Variants in ARHGAP15 observed in about 807,000 individuals in gnomAD.
The protein encoded by ARHGAP15 is Rho GTPase activating protein 15, also known as rho GTPase-activating protein 15.
ARHGAP15 carries 51 observed loss-of-function variants against 63.7 expected under a neutral mutation model. The ratio of observed to expected loss-of-function variants is 0.80; its 90% confidence interval spans 0.64 to 1.01. ARHGAP15 has a LOEUF of 1.01. ARHGAP15 is among the 50% of genes least tolerant of loss of function. ARHGAP15 has a pLI of 0.00. For synonymous variants in ARHGAP15, 191 were observed against 193.8 expected, an observed-to-expected ratio of 0.99 and a Z score of 0.12; for missense variants, 560 against 564.6, an observed-to-expected ratio of 0.99 and a Z score of 0.08.
intron 6 of ARHGAP15, among the ~76,000 whole-genome samples, chr2:143,287,478 G>A (rs189535477): frequency 6.6e-6 from 1 of 152,160 alleles, no homozygotes; most frequent in African/African-American, 2.4e-5. Flanking sequence ...GAGGAAGATA[G>A]AATGGGCTCT....
chr2:143,287,798 TG>T (rs1408060484), intron 6 of ARHGAP15, among the ~76,000 whole-genome samples: 1 of 151,952 alleles, frequency 6.6e-6, no homozygotes, highest in Non-Finnish European at 1.5e-5. Flanking sequence ...AGCAAGACTC[TG>T]TCCCAAAAAA....
intron 8 of ARHGAP15, among the ~76,000 whole-genome samples, chr2:143,478,288 A>T (rs1691916765): frequency 6.6e-6 from 1 of 152,010 alleles, no homozygotes; most frequent in Non-Finnish European, 1.5e-5. Context: ...CCCATGATTC[A>T]CTCATCTTAC....
intron 13 of ARHGAP15, among the ~76,000 whole-genome samples, chr2:143,719,146 AC>A (rs1300468565): frequency 6.6e-6 from 1 of 152,122 alleles, no homozygotes; most frequent in Non-Finnish European, 1.5e-5. Context: ...CACTGAAAAC[AC>A]CTCTTTTCCT....
At chr2:143,669,117 T>C (rs1215089985) in intron 12 of ARHGAP15, among the ~76,000 whole-genome samples, 2 of 152,214 alleles carry the variant, frequency 1.3e-5, no homozygotes, top group Non-Finnish European at 2.9e-5. Context: ...GGTGCTAATC[T>C]AAGCACACTA....
At position 143,197,951 on chromosome 2, in the gene ARHGAP15, G is replaced by A. The variant is rs1246217876; in HGVS notation, c.166-4183G>A. On this transcript the variant is annotated intron_variant, in intron 2 of 13. Transcript: ENST00000295095. The stretch of plus-strand genomic sequence containing the variant: ...GGCTCTCAACTTTGTAGTTCCCCAA[G>A]AATGTAGTGACTGCCTACACACACA... Among the ~76,000 whole-genome samples, 3 of 148,646 alleles carry A rather than the reference G, an allele frequency of 2.0e-5. No individual in the cohort carries two copies. In the Admixed American group the frequency reaches 2.0e-4, roughly 10 times the overall value.
At chr2:143,546,655 C>T (rs898523941) in intron 10 of ARHGAP15, among the ~76,000 whole-genome samples, 3 of 151,892 alleles carry the variant, frequency 2.0e-5, no homozygotes, top group African/African-American at 7.3e-5. Flanking sequence ...AAATTAGATT[C>T]ATTGTTCTTG....
intron 6 of ARHGAP15, among the ~76,000 whole-genome samples, chr2:143,326,747 G>T (rs1383016483): frequency 1.3e-5 from 2 of 152,048 alleles, no homozygotes; most frequent in East Asian, 1.9e-4. Flanking sequence ...AATAAACTAG[G>T]TATTGATGGG....
intron 11 of ARHGAP15, chr2:143,597,987 T>G (rs1448705318): frequency 1.3e-5 from 2 of 152,176 alleles, no homozygotes; most frequent in Non-Finnish European, 2.9e-5. Context: ...CTGCAAACCC[T>G]TTTTGTAGTG....
chr2:143,394,525 GTGATAA>G lies in ARHGAP15; in HGVS notation c.475-41069_475-41064del, dbSNP rs556220119. 2.0e-3 allele frequency among the ~76,000 whole-genome samples: 304 copies of G among 152,230 alleles called. 3 individuals are homozygous for G. Among genetic ancestry groups the G allele is most frequent in the Admixed American group, 0.017 (253 of 15,284 alleles). ...ACCAACCCAGAGGGATCTTTTAATGGTGATAATGATAAAGAGAAATTCTGTCAACCT... is the reference window on the plus strand; with the variant it reads ...ACCAACCCAGAGGGATCTTTTAATGGTGATAAAGAGAAATTCTGTCAACCT... On this transcript the variant is annotated intron_variant, in intron 6 of 13. Transcript: ENST00000295095.
intron 2 of ARHGAP15, among the ~76,000 whole-genome samples, chr2:143,169,920 C>T (rs1455860035): frequency 6.6e-6 from 1 of 151,938 alleles, no homozygotes; most frequent in East Asian, 1.9e-4. Context: ...AAGTCAAAGC[C>T]AGATGTAAAT....
chr2:143,486,249 A>G (rs547439471), intron 8 of ARHGAP15, among the ~76,000 whole-genome samples: 1 of 152,242 alleles, frequency 6.6e-6, no homozygotes, highest in South Asian at 2.1e-4. Flanking sequence ...GTCTACAGAC[A>G]CAACAAATTA....
rs1234444016 is a variant in ARHGAP15, at chr2:143,421,783, TA to T, written c.475-13817del. 3.2e-4 allele frequency among the ~76,000 whole-genome samples: 4 copies of T among 12,550 alleles called. No homozygotes were observed. The East Asian group carries it at 0.036, about 114-fold the overall frequency. The allele number at this position is 12,550 out of a possible 152,430, so 8.2% of individuals were successfully genotyped here. ...CACATGGTGTATATATATATATATA[TA>T]TATATATATATATATATGTGTGTGT... On this transcript the variant is annotated intron_variant, in intron 6 of 13. Transcript: ENST00000295095.
chr2:143,449,647 A>AT (rs2105129260), intron 8 of ARHGAP15, among the ~76,000 whole-genome samples: 1 of 152,142 alleles, frequency 6.6e-6, no homozygotes, highest in Admixed American at 6.6e-5. Context: ...GTTTTGAAAA[A>AT]TTGCAAAGAA....
chr2:143,275,258 C>T (rs892454714), intron 6 of ARHGAP15, among the ~76,000 whole-genome samples: 2 of 152,094 alleles, frequency 1.3e-5, no homozygotes, highest in Non-Finnish European at 1.5e-5. Flanking sequence ...TCTAGTCAGC[C>T]GCTGTCAAAC....
chr2:143,463,556 A>G (rs1224642008), intron 8 of ARHGAP15, among the ~76,000 whole-genome samples: 4 of 145,678 alleles, frequency 2.7e-5, no homozygotes, highest in African/African-American at 1.0e-4. Context: ...GTGGGGGGGG[A>G]AGATGTCTTA....
chr2:143,239,458 A>G (rs546604297), intron 5 of ARHGAP15, among the ~76,000 whole-genome samples: 2 of 152,154 alleles, frequency 1.3e-5, no homozygotes, highest in African/African-American at 4.8e-5. Context: ...CCTTCCCCCA[A>G]ACCCCCAGAC....
chr2:143,155,329 GA>G lies in ARHGAP15; in HGVS notation c.-14-146del, dbSNP rs1241844250. ...CCAACTGACAAAATAACTTACAAAGGAACTACTTTTTTCTTCACTAGTCAGA... is the reference window on the plus strand; with the variant it reads ...CCAACTGACAAAATAACTTACAAAGGACTACTTTTTTCTTCACTAGTCAGA... On this transcript the variant is annotated intron_variant, in intron 1 of 13. Transcript: ENST00000295095. 9 of 687,386 alleles carry G rather than the reference GA, an allele frequency of 1.3e-5. No homozygotes were observed. In the Admixed American group the frequency reaches 3.4e-4, roughly 26 times the overall value. 42.6% of individuals were successfully genotyped at this position (687,386 alleles called of 1,614,324 possible).
At position 143,202,073 on chromosome 2, in the gene ARHGAP15, T is replaced by A. The variant is rs112415929; in HGVS notation, c.166-61T>A. The A allele has an allele frequency of 3.4e-5, 44 of 1,301,942 alleles. No homozygotes were observed. The African/African-American group carries it at 4.7e-4, about 14-fold the overall frequency. 80.6% of individuals were successfully genotyped at this position (1,301,942 alleles called of 1,614,324 possible). A position where few individuals can be genotyped will look rare whatever the true frequency, so the allele number is the denominator to read the frequency against. On this transcript the variant is annotated intron_variant, in intron 2 of 13. Coordinates refer to ENST00000295095, the MANE Select transcript of ARHGAP15 (RefSeq NM_018460.4). Reference sequence around the variant, plus strand: ...CACTGAATTGGTTATTTTATGTGTATTCTTACTAAACTCTATCAAGAAAAA... The same window carrying A: ...CACTGAATTGGTTATTTTATGTGTAATCTTACTAAACTCTATCAAGAAAAA...
intron 1 of ARHGAP15, among the ~76,000 whole-genome samples, chr2:143,146,839 G>A (rs1401865508): frequency 6.6e-6 from 1 of 152,054 alleles, no homozygotes; most frequent in Non-Finnish European, 1.5e-5. Context: ...GTTTGGAGAT[G>A]AGCATTAGGG....
Sources: gnomAD v4.1 joint callset for allele counts (sites outside exome capture counted in the v4.1 genomes callset) on GRCh38, gnomAD v4.1.1 for gene constraint, MANE v1.5 for transcripts, NCBI Gene and HGNC (gene_info 2026-07-23, HGNC 2026-07-21) for gene names.